SPOCK1: variants seen among roughly 807,000 people sequenced by gnomAD.
SPOCK1 encodes the protein SPARC (osteonectin), cwcv and kazal like domains proteoglycan 1.
SPOCK1 carries 23 observed loss-of-function variants against 55.3 expected under a neutral mutation model. The observed-to-expected ratio is 0.42, with a 90% CI of 0.30 to 0.59. SPOCK1 has a LOEUF of 0.59. Among genes scored for constraint, SPOCK1 ranks in the 20% least tolerant of loss-of-function variants. The pLI is 0.22. For missense variants in SPOCK1, 499 were observed against 552.5 expected, an observed-to-expected ratio of 0.90 and a Z score of 0.97; for synonymous variants, 226 against 221.0, an observed-to-expected ratio of 1.02 and a Z score of -0.20.
intron 5 of SPOCK1, among the ~76,000 whole-genome samples, chr5:137,101,359 A>C (rs766318409): frequency 2.4e-4 from 37 of 152,208 alleles, no homozygotes; most frequent in Non-Finnish European, 4.9e-4. Context: ...AGTGAGGCCA[A>C]GCATCTTCGT....
At chr5:137,091,497 GCA>G (rs1753054746) in intron 5 of SPOCK1, among the ~76,000 whole-genome samples, 1 of 152,146 alleles carries the variant, frequency 6.6e-6, no homozygotes. Flanking sequence ...GTGCCCACTG[GCA>G]GCCTTTACAT....
intron 3 of SPOCK1, among the ~76,000 whole-genome samples, chr5:137,177,966 C>G (rs1400468938): frequency 6.6e-6 from 1 of 152,136 alleles, no homozygotes; most frequent in Non-Finnish European, 1.5e-5. Flanking sequence ...AATGGAAGGA[C>G]CTCAAGGACC....
Position 137,017,082 on chromosome 5 carries a change from C to T in SPOCK1, c.590-24482G>A, listed in dbSNP as rs1392099406. ...TGTTCTTCTAGCTGGCCTCACACGA[C>T]CTGCTGAGGCAGGAGCTCTCAAGGC... On this transcript the variant is annotated intron_variant, in intron 6 of 10. Coordinates refer to ENST00000394945, the MANE Select transcript of SPOCK1 (RefSeq NM_004598.4). Among the ~76,000 whole-genome samples the T allele has an allele frequency of 2.0e-5, 3 of 152,240 alleles. No individual in the cohort carries two copies. The East Asian group carries it at 5.8e-4, about 29-fold the overall frequency.
chr5:137,382,317 G>A (rs970222914), intron 2 of SPOCK1, among the ~76,000 whole-genome samples: 4 of 152,136 alleles, frequency 2.6e-5, no homozygotes, highest in East Asian at 1.9e-4. Flanking sequence ...ACATCTTTCT[G>A]TCTTCTTCTG....
chr5:137,058,660 A>C (rs1389107858), intron 6 of SPOCK1, among the ~76,000 whole-genome samples: 3 of 152,250 alleles, frequency 2.0e-5, no homozygotes, highest in African/African-American at 7.2e-5. Flanking sequence ...GTGATAAATG[A>C]TACAGAGAAA....
intron 2 of SPOCK1, among the ~76,000 whole-genome samples, chr5:137,351,547 G>T (rs1750678436): frequency 6.6e-6 from 1 of 152,134 alleles, no homozygotes; most frequent in Non-Finnish European, 1.5e-5. Flanking sequence ...TCCCAGAGTG[G>T]GAGAAAACGC....
chr5:137,161,040 T>TTA (rs1561632066), intron 3 of SPOCK1, among the ~76,000 whole-genome samples: 2 of 146,420 alleles, frequency 1.4e-5, no homozygotes, highest in African/African-American at 2.5e-5. Context: ...TACATATATT[T>TTA]TATATATATC....
At chr5:137,105,676 C>T (rs137967330) in intron 5 of SPOCK1, among the ~76,000 whole-genome samples, 11 of 152,294 alleles carry the variant, frequency 7.2e-5, no homozygotes, top group Admixed American at 2.6e-4. Flanking sequence ...TAATCTGCAG[C>T]GACAATATGC....
At chr5:137,267,529 C>T (rs1194865456) in intron 2 of SPOCK1, among the ~76,000 whole-genome samples, 1 of 152,212 alleles carries the variant, frequency 6.6e-6, no homozygotes, top group Non-Finnish European at 1.5e-5. Flanking sequence ...TAAAAAGAGA[C>T]AGCCTTCCAA....
chr5:137,326,489 G>A (rs961290940), intron 2 of SPOCK1, among the ~76,000 whole-genome samples: 3 of 152,176 alleles, frequency 2.0e-5, no homozygotes, highest in African/African-American at 4.8e-5. Context: ...GAGAGGAGCT[G>A]GTTGCCCTGG....
At chr5:137,212,691 G>A (rs1755639219) in intron 3 of SPOCK1, among the ~76,000 whole-genome samples, 2 of 152,200 alleles carry the variant, frequency 1.3e-5, no homozygotes, top group African/African-American at 4.8e-5. Flanking sequence ...CCAAAGGCAA[G>A]GAGACTTAGT....
intron 5 of SPOCK1, among the ~76,000 whole-genome samples, chr5:137,110,466 A>G (rs982185280): frequency 1.3e-5 from 2 of 152,210 alleles, no homozygotes; most frequent in African/African-American, 4.8e-5. Context: ...AAAGACAATG[A>G]TGGCCTGATC....
intron 3 of SPOCK1, among the ~76,000 whole-genome samples, chr5:137,246,322 T>C (rs1248490979): frequency 1.3e-5 from 2 of 152,214 alleles, no homozygotes; most frequent in African/African-American, 4.8e-5. Flanking sequence ...AGAGACACTA[T>C]CTATAAAGTG....
At chr5:137,092,578 A>G (rs1156683845) in intron 5 of SPOCK1, among the ~76,000 whole-genome samples, 1 of 152,118 alleles carries the variant, frequency 6.6e-6, no homozygotes, top group African/African-American at 2.4e-5. Flanking sequence ...CTTTTCTCAA[A>G]CCATTCAATA....
chr5:137,203,839 C>G (rs903561090), intron 3 of SPOCK1, among the ~76,000 whole-genome samples: 2 of 152,200 alleles, frequency 1.3e-5, no homozygotes, highest in Non-Finnish European at 2.9e-5. Flanking sequence ...GCATAACTGT[C>G]TCTACTTCAT....
chr5:137,214,617 G>A (rs1335058455), intron 3 of SPOCK1, among the ~76,000 whole-genome samples: 1 of 152,132 alleles, frequency 6.6e-6, no homozygotes, highest in Non-Finnish European at 1.5e-5. Context: ...AACCAATTGG[G>A]ATAAATAATA....
intron 6 of SPOCK1, among the ~76,000 whole-genome samples, chr5:137,000,748 G>A (rs1751134265): frequency 6.6e-6 from 1 of 152,110 alleles, no homozygotes; most frequent in African/African-American, 2.4e-5. Flanking sequence ...ACAGGAGAGA[G>A]AAAGTAGGCT....
chr5:137,084,659 T>C lies in SPOCK1; in HGVS notation c.475-16830A>G, dbSNP rs550718145. Among the ~76,000 whole-genome samples the C allele has an allele frequency of 7.7e-4, 117 of 151,848 alleles. 2 individuals are homozygous for C. Among genetic ancestry groups the C allele is most frequent in the Non-Finnish European group, 9.4e-4 (64 of 67,950 alleles). ...AAGGAATGCTCTGTTAAAGATTTCA[T>C]AGAGCCACAGAGGAGAAGGTTAAAC... On this transcript the variant is annotated intron_variant, in intron 5 of 10. Transcript: ENST00000394945.
rs548657179 is a variant in SPOCK1, at chr5:137,355,720, C to G, written c.187-88665G>C. On this transcript the variant is annotated intron_variant, in intron 2 of 10. Transcript: ENST00000394945. ...CCTGAGCCGTTCCAGATGTTTTCCA[C>G]AACACCCCCCCACACCACTCTTCTC... is the stretch of plus-strand genomic sequence containing the variant. Among the ~76,000 whole-genome samples the G allele has an allele frequency of 5.9e-5, 9 of 152,232 alleles. No individual in the cohort carries two copies. The East Asian group carries it at 1.7e-3, about 29-fold the overall frequency.
Sources: allele counts gnomAD v4.1 joint callset (sites outside exome capture counted in the v4.1 genomes callset), GRCh38; gene constraint gnomAD v4.1.1; transcripts MANE v1.5; gene names NCBI Gene and HGNC (gene_info 2026-07-23, HGNC 2026-07-21).